The following DSCAM variants were observed in gnomAD, a reference collection of about 807,000 sequenced individuals.
DSCAM encodes DS cell adhesion molecule.
Under a neutral mutation model 217.7 loss-of-function variants are expected in DSCAM, and 47 were observed. The ratio of observed to expected loss-of-function variants is 0.22; its 90% confidence interval spans 0.17 to 0.28. The LOEUF (loss-of-function observed/expected upper bound fraction) is 0.28, where lower values mean the gene tolerates loss of function less well. Ranked by LOEUF, DSCAM falls within the 10% of genes least tolerant of loss-of-function variation. DSCAM has a pLI of 1.00. For missense variants in DSCAM, 2,080 were observed against 2,618.3 expected, an observed-to-expected ratio of 0.79 and a Z score of 4.49; for synonymous variants, 1,056 against 1,015.3, an observed-to-expected ratio of 1.04 and a Z score of -0.76.
At chr21:40,570,585 GTTTGA>G (rs1272870022) in intron 3 of DSCAM, among the ~76,000 whole-genome samples, 5 of 152,328 alleles carry the variant, frequency 3.3e-5, no homozygotes, top group East Asian at 1.9e-4. Flanking sequence ...TGGCCCAGAT[GTTTGA>G]TTTATCACTC....
intron 3 of DSCAM, among the ~76,000 whole-genome samples, chr21:40,479,665 C>T (rs1043873368): frequency 1.3e-5 from 2 of 151,998 alleles, no homozygotes; most frequent in African/African-American, 4.8e-5. Flanking sequence ...GTAAACCTGC[C>T]CCCATGATTC....
Position 40,150,816 on chromosome 21 carries a change from G to A in DSCAM, c.3019-6085C>T, listed in dbSNP as rs150513644. ...GGGGTATAGAGAATATATCCTTATAGGGAAATGATCTTTAGAACACTGTAT... is the reference window on the plus strand; with the variant it reads ...GGGGTATAGAGAATATATCCTTATAAGGAAATGATCTTTAGAACACTGTAT... On this transcript the variant is annotated intron_variant, in intron 16 of 32. Coordinates refer to ENST00000400454, the MANE Select transcript of DSCAM (RefSeq NM_001389.5). Among the ~76,000 whole-genome samples, 283 of 152,302 alleles carry A rather than the reference G, an allele frequency of 1.9e-3. 1 individual carries two copies. Among genetic ancestry groups the A allele is most frequent in the African/African-American group, 6.4e-3 (266 of 41,574 alleles).
intron 3 of DSCAM, among the ~76,000 whole-genome samples, chr21:40,572,209 G>T (rs1296662168): frequency 6.6e-6 from 1 of 151,940 alleles, no homozygotes; most frequent in Non-Finnish European, 1.5e-5. Context: ...TACAAAGAAT[G>T]AGAGAATAGA....
intron 1 of DSCAM, among the ~76,000 whole-genome samples, chr21:40,715,038 C>T (rs1003707268): frequency 2.6e-5 from 4 of 152,138 alleles, no homozygotes; most frequent in African/African-American, 9.7e-5. Context: ...CATCCTTCCA[C>T]CTAGGATGAC....
At chr21:40,353,339 G>T in intron 5 of DSCAM, 126 bp downstream of exon 5, 3 of 1,297,656 alleles carry the variant, frequency 2.3e-6, no homozygotes, top group Non-Finnish European at 2.1e-6. Context: ...TGAGGTTTCT[G>T]TTGATCTCAG....
chr21:40,296,225 T>C, intron 9 of DSCAM, 51 bp from the exon 10 acceptor site: 1 of 1,594,402 alleles, frequency 6.3e-7, no homozygotes, highest in Non-Finnish European at 8.6e-7. Flanking sequence ...AGAAACTGAG[T>C]AAAGGTATGA....
chr21:40,172,471 G>A (rs960422162), intron 15 of DSCAM, among the ~76,000 whole-genome samples: 6 of 152,322 alleles, frequency 3.9e-5, no homozygotes, highest in East Asian at 1.9e-4. Flanking sequence ...ATGGATCTCC[G>A]CTTTGCTTCC....
At chr21:40,486,222 G>A (rs2076026996) in intron 3 of DSCAM, among the ~76,000 whole-genome samples, 1 of 152,158 alleles carries the variant, frequency 6.6e-6, no homozygotes, top group Non-Finnish European at 1.5e-5. Context: ...GCATTCACCA[G>A]GACTTGGGAT....
intron 30 of DSCAM, among the ~76,000 whole-genome samples, chr21:40,049,808 A>G (rs1021978305): frequency 6.6e-6 from 1 of 152,156 alleles, no homozygotes; most frequent in Non-Finnish European, 1.5e-5. Flanking sequence ...ACTCCGGTTC[A>G]TGTCTCTGTT....
chr21:40,248,469 G>A (rs1326415228), intron 11 of DSCAM, among the ~76,000 whole-genome samples: 1 of 152,122 alleles, frequency 6.6e-6, no homozygotes, highest in East Asian at 1.9e-4. Flanking sequence ...AAATCTCTAG[G>A]ACAGGGGCAA....
intron 3 of DSCAM, among the ~76,000 whole-genome samples, chr21:40,373,744 C>T (rs2074922468): frequency 6.6e-6 from 1 of 152,186 alleles, no homozygotes; most frequent in African/African-American, 2.4e-5. Flanking sequence ...GCAATAAGCT[C>T]ATCCACTTTG....
intron 3 of DSCAM, among the ~76,000 whole-genome samples, chr21:40,611,204 G>T (rs1214833710): frequency 6.6e-6 from 1 of 151,650 alleles, no homozygotes; most frequent in Non-Finnish European, 1.5e-5. Flanking sequence ...GACTACAGGT[G>T]CACGCCTCCA....
At chr21:40,523,223 G>A (rs915210852) in intron 3 of DSCAM, among the ~76,000 whole-genome samples, 4 of 152,166 alleles carry the variant, frequency 2.6e-5, no homozygotes, top group African/African-American at 9.7e-5. Flanking sequence ...TCTACTCCCA[G>A]GCCTGTGCCC....
rs1373594537 is a variant in DSCAM, at chr21:40,653,536, G to A, written c.508+39274C>T. Among the ~76,000 whole-genome samples the A allele has an allele frequency of 4.6e-5, 7 of 152,114 alleles. No homozygotes were observed. In the East Asian group the frequency reaches 1.2e-3, roughly 25 times the overall value. On this transcript the variant is annotated intron_variant, in intron 3 of 32. Transcript: ENST00000400454. ...TGATGGAAACTTGGTAGCTGCAGAT[G>A]CCGGCCGTGAATTGGTATCAGTGAT...
In DSCAM at chr21:40,080,207, A is replaced by G. The variant is rs1477423960; in HGVS notation, c.4365T>C (p.Asn1455=). Residue 1455 remains asparagine (N), a synonymous_variant, in exon 25 of 33, where the codon AAT becomes AAC. Transcript: ENST00000400454. ...TWYKFTLTAQ[N]GVGPGRISEI... is the part of the protein sequence containing the mutation. ...CACTTATGCGCCCTGGGCCCACTCC[A>G]TTTTGGGCTGTCAGTGTGAACTTAT... The G allele has an allele frequency of 5.6e-6, 9 of 1,611,108 alleles. No homozygotes were observed. Among genetic ancestry groups the G allele is most frequent in the African/African-American group, 1.3e-5 (1 of 74,124 alleles).
chr21:40,301,580 C>T (rs2074014616), intron 9 of DSCAM, among the ~76,000 whole-genome samples: 1 of 110,392 alleles, frequency 9.1e-6, no homozygotes, highest in African/African-American at 6.2e-5. Flanking sequence ...TCTCTGAGGC[C>T]TTAATTACTT....
At chr21:40,018,543 T>C (rs1397513931) in intron 32 of DSCAM, among the ~76,000 whole-genome samples, 1 of 152,192 alleles carries the variant, frequency 6.6e-6, no homozygotes, top group Non-Finnish European at 1.5e-5. Context: ...GGGATAAATC[T>C]CTATTTTAGT....
chr21:40,684,008 C>A (rs1314924940), intron 3 of DSCAM, among the ~76,000 whole-genome samples: 1 of 151,590 alleles, frequency 6.6e-6, no homozygotes, highest in Non-Finnish European at 1.5e-5. Context: ...GGGCAGATCA[C>A]GAGGTCAGGA....
intron 1 of DSCAM, among the ~76,000 whole-genome samples, chr21:40,772,739 G>A (rs1601241488): frequency 6.6e-6 from 1 of 152,194 alleles, no homozygotes; most frequent in Non-Finnish European, 1.5e-5. Flanking sequence ...GCTGTGCTGT[G>A]CAACGTGGTT....
Sources: allele counts gnomAD v4.1 joint callset (sites outside exome capture counted in the v4.1 genomes callset), GRCh38; gene constraint gnomAD v4.1.1; transcripts MANE v1.5; gene names NCBI Gene and HGNC (gene_info 2026-07-23, HGNC 2026-07-21).